C17orf99: variants seen among roughly 807,000 people sequenced by gnomAD.
C17orf99 encodes the protein chromosome 17 open reading frame 99.
Under a neutral mutation model 22.6 loss-of-function variants are expected in C17orf99, and 18 were observed. The ratio of observed to expected loss-of-function variants is 0.80; its 90% CI spans 0.55 to 1.18. C17orf99 has a LOEUF of 1.18. Ranked by LOEUF, C17orf99 falls within the 50% of genes most tolerant of loss-of-function variation. C17orf99 has a pLI of 0.00. For synonymous variants in C17orf99, 147 were observed against 136.6 expected (o/e 1.08, Z -0.53); for missense variants, 328 against 342.7 (o/e 0.96, Z 0.34).
At chr17:78,155,169 C>G (rs921759828) in intron 2 of C17orf99, among the ~76,000 whole-genome samples, 6 of 147,814 alleles carry the variant, frequency 4.1e-5, no homozygotes, top group Non-Finnish European at 7.4e-5. Flanking sequence ...TGCTGTGTTG[C>G]CCAAGCTAGT....
chr17:78,160,139 A>G (rs919022285), intron 2 of C17orf99: 6 of 455,866 alleles, frequency 1.3e-5, no homozygotes, highest in Middle Eastern at 3.2e-4. Flanking sequence ...GGAACCACTA[A>G]ATCAGTATTT....
At chr17:78,165,697 G>A (rs2075612121) in intron 4 of C17orf99, 192 bp from the exon 5 acceptor site, 2 of 977,292 alleles carry the variant, frequency 2.0e-6, no homozygotes, top group Admixed American at 9.1e-5. Flanking sequence ...AGCTACTCGG[G>A]AGACTGAGGC....
At position 78,164,229 on chromosome 17, in the gene C17orf99, C is replaced by T. The variant is rs2075600217; in HGVS notation, c.505C>T (p.His169Tyr). The T allele has an allele frequency of 2.6e-6, 4 of 1,551,476 alleles. No individual in the cohort carries two copies. The South Asian group carries it at 4.8e-5, about 18-fold the overall frequency. The change falls in exon 4 of 5, where the codon CAC (histidine) becomes TAC (tyrosine). Residue 169 changes from histidine to tyrosine, a missense_variant. His to Tyr is a moderately conservative substitution (Grantham distance 83, BLOSUM62 2). Coordinates refer to ENST00000340363, the MANE Select transcript of C17orf99 (RefSeq NM_001163075.2). ...NSLIGKDGQV[H>Y]LQQRPCHRQP... ...CCTGATCGGGAAGGATGGGCAGGTC[C>T]ACCTGCAGCAGAGACCATGCCACAG...
intron 3 of C17orf99, among the ~76,000 whole-genome samples, chr17:78,163,672 C>T (rs554167721): frequency 2.0e-4 from 30 of 152,278 alleles, no homozygotes; most frequent in Admixed American, 2.0e-3. Flanking sequence ...TTGAGACCAG[C>T]CTGGCCAACA....
intron 2 of C17orf99, among the ~76,000 whole-genome samples, chr17:78,150,096 T>C (rs1436887045): frequency 6.6e-6 from 1 of 150,792 alleles, no homozygotes; most frequent in African/African-American, 2.4e-5. Context: ...GCAACCTCCA[T>C]CTCCCAGGCT....
chr17:78,150,576 A>G (rs973481051), intron 2 of C17orf99, among the ~76,000 whole-genome samples: 14 of 152,196 alleles, frequency 9.2e-5, no homozygotes, highest in Admixed American at 3.3e-4. Context: ...GTATCTGAAG[A>G]CATAACTGCT....
At chr17:78,153,185 G>A (rs902928923) in intron 2 of C17orf99, among the ~76,000 whole-genome samples, 4 of 152,028 alleles carry the variant, frequency 2.6e-5, no homozygotes, top group Non-Finnish European at 4.4e-5. Context: ...GTCTTGAGAG[G>A]ATATAAAGTG....
At chr17:78,146,263 C>G (rs2075436613), upstream of C17orf99, 1 of 647,398 alleles carries the variant, frequency 1.5e-6, no homozygotes, top group Non-Finnish European at 2.6e-6. This position sits in a 1 kb window ranked among gnomAD's most constrained non-coding sequence, Gnocchi z 5.2. Flanking sequence ...GCCCTGGTAG[C>G]TGAGGCCCTG....
In C17orf99 at chr17:78,157,898, G is replaced by A. The variant is rs998775969; in HGVS notation, c.71-3057G>A. On this transcript the variant is annotated intron_variant, in intron 2 of 4. Coordinates refer to ENST00000340363, the MANE Select transcript of C17orf99 (RefSeq NM_001163075.2). ...GTCTACTTCGATGACTGGCAAGCAC[G>A]GCCATGCCAAGGTCCACCTGGTTGG... is the stretch of plus-strand genomic sequence containing the variant. 2.8e-5 allele frequency: 33 copies of A among 1,164,638 alleles called. 1 individual carries two copies. In the Admixed American group the frequency reaches 3.7e-4, roughly 13 times the overall value. 72.1% of individuals were successfully genotyped at this position (1,164,638 alleles called of 1,614,324 possible). A position where few individuals can be genotyped will look rare whatever the true frequency, so the allele number is the denominator to read the frequency against.
At chr17:78,153,638 C>T (rs2075502460) in intron 2 of C17orf99, among the ~76,000 whole-genome samples, 2 of 152,086 alleles carry the variant, frequency 1.3e-5, no homozygotes, top group Non-Finnish European at 2.9e-5. Flanking sequence ...AAGTCAAGAT[C>T]GTTTCCCTTC....
At chr17:78,162,821 T>C (rs2075588373) in intron 3 of C17orf99, among the ~76,000 whole-genome samples, 1 of 152,234 alleles carries the variant, frequency 6.6e-6, no homozygotes, top group African/African-American at 2.4e-5. Context: ...AGTCTTGCTC[T>C]GTCGCCCAGG....
intron 2 of C17orf99, among the ~76,000 whole-genome samples, chr17:78,152,758 C>A (rs2075495192): frequency 1.3e-5 from 2 of 151,522 alleles, no homozygotes; most frequent in South Asian, 4.2e-4. Context: ...TAGGAGTGAG[C>A]CACCACACCC....
chr17:78,157,301 T>C, intron 2 of C17orf99: 1 of 411,784 alleles, frequency 2.4e-6, no homozygotes, highest in Non-Finnish European at 4.2e-6. Context: ...CCATCTCAGG[T>C]GCCTGCGTAC....
intron 3 of C17orf99, 120 bp downstream of exon 3, chr17:78,161,374 G>A: frequency 1.1e-6 from 1 of 877,620 alleles, no homozygotes; most frequent in East Asian, 2.7e-5. Flanking sequence ...GTGAGGGTGT[G>A]GACAAGGACA....
At position 78,152,855 on chromosome 17, in the gene C17orf99, G is replaced by A. The variant is rs887565399; in HGVS notation, c.70+5944G>A. ...CCAGCACTTTGGAAGGCTGAGGTGGGTGGATCACTTGAGGTCAGGAGTTGT... is the reference window on the plus strand; with the variant it reads ...CCAGCACTTTGGAAGGCTGAGGTGGATGGATCACTTGAGGTCAGGAGTTGT... On this transcript the variant is annotated intron_variant, in intron 2 of 4. Transcript: ENST00000340363. 3.9e-5 allele frequency among the ~76,000 whole-genome samples: 6 copies of A among 152,004 alleles called. 1 individual carries two copies. The highest frequency in any genetic ancestry group is 1.2e-4 in the African/African-American group (5 of 41,428).
At chr17:78,164,405 T>C in intron 4 of C17orf99, 41 bp downstream of exon 4, 1 of 1,551,002 alleles carries the variant, frequency 6.4e-7, no homozygotes, top group Non-Finnish European at 8.7e-7. Flanking sequence ...AGCTGGCGCT[T>C]CTGTGCCGGG....
chr17:78,161,153 A>G lies in C17orf99; in HGVS notation c.269A>G (p.Lys90Arg). The change falls in exon 3 of 5, where the codon AAG (lysine) becomes AGG (arginine). Residue 90 changes from lysine (K) to arginine (R), a missense_variant. Lys to Arg is a conservative substitution (Grantham distance 26, BLOSUM62 2). Coordinates refer to ENST00000340363, the MANE Select transcript of C17orf99 (RefSeq NM_001163075.2). ...TCCTTCAACCTCAACGTCACACTCA[A>G]GTCCAGTCCAGACCTGCTCACCTAC... is the stretch of plus-strand genomic sequence containing the variant. ...PASFNLNVTL[K>R]SSPDLLTYFC... 1 of 1,551,776 alleles carries G rather than the reference A, an allele frequency of 6.4e-7. No homozygotes were observed.
chr17:78,149,621 C>T (rs552507652), intron 2 of C17orf99, among the ~76,000 whole-genome samples: 3 of 152,304 alleles, frequency 2.0e-5, no homozygotes, highest in Admixed American at 2.0e-4. Flanking sequence ...GCAGCCTTAA[C>T]CGCCAGGGCT....
intron 2 of C17orf99, chr17:78,157,598 A>C (rs1249411799): frequency 3.6e-6 from 2 of 550,744 alleles, no homozygotes; most frequent in East Asian, 9.6e-5. Flanking sequence ...GGAGATCGAA[A>C]CCATCCTGGC....
Sources: allele counts gnomAD v4.1 joint callset (sites outside exome capture counted in the v4.1 genomes callset), GRCh38; gene constraint gnomAD v4.1.1; non-coding constraint Gnocchi (gnomAD v3.1); transcripts MANE v1.5; gene names NCBI Gene and HGNC (gene_info 2026-07-23, HGNC 2026-07-21).